Variants in UNC80 observed in about 807,000 individuals in gnomAD.
UNC80 encodes the protein protein unc-80 homolog.
Under a neutral mutation model 384.6 loss-of-function variants are expected in UNC80, and 164 were observed. The observed-to-expected ratio is 0.43, with a 90% confidence interval of 0.38 to 0.49. The LOEUF (loss-of-function observed/expected upper bound fraction) is 0.49. Ranked by LOEUF, UNC80 falls within the 20% of genes least tolerant of loss-of-function variation. UNC80 has a pLI of 0.00. For synonymous variants in UNC80, 1,486 were observed against 1,527.8 expected (o/e 0.97, Z 0.64); for missense variants, 3,330 against 4,143.0 (o/e 0.80, Z 5.39).
chr2:209,897,436 A>G (rs941805071), intron 28 of UNC80, among the ~76,000 whole-genome samples: 13 of 151,812 alleles, frequency 8.6e-5, no homozygotes, highest in Admixed American at 5.9e-4. Flanking sequence ...ATATACTACT[A>G]CTCTGTTGTG....
chr2:209,969,344 A>G (rs533775013), intron 52 of UNC80: 1 of 162,374 alleles, frequency 6.2e-6, no homozygotes, highest in Admixed American at 6.3e-5. Context: ...AGCTATATAA[A>G]TCAAATTAGT....
chr2:209,774,498 A>G (rs1234156813), intron 2 of UNC80, among the ~76,000 whole-genome samples: 1 of 152,194 alleles, frequency 6.6e-6, no homozygotes, highest in Non-Finnish European at 1.5e-5. Flanking sequence ...ATATCTCAAT[A>G]TAGAAAACAA....
At chr2:209,808,743 T>G in intron 7 of UNC80, 2 of 237,764 alleles carry the variant, frequency 8.4e-6, no homozygotes, top group South Asian at 5.0e-5. Flanking sequence ...AGGCTCGGCC[T>G]AGTGAGTGGG....
chr2:209,820,829 A>G, intron 13 of UNC80, 150 bp downstream of exon 13: 2 of 810,100 alleles, frequency 2.5e-6, no homozygotes, highest in Non-Finnish European at 3.8e-6. Flanking sequence ...TTAGGTTCTC[A>G]GTAGGCATTA....
chr2:209,993,869 C>T (rs547211120), intron 63 of UNC80, among the ~76,000 whole-genome samples, 196 bp from the exon 64 acceptor site: 12 of 152,224 alleles, frequency 7.9e-5, no homozygotes, highest in Middle Eastern at 3.4e-3. Flanking sequence ...GATTTTTCTA[C>T]GTAAGTCTTA....
intron 7 of UNC80, among the ~76,000 whole-genome samples, chr2:209,806,317 A>G (rs1453987565): frequency 6.6e-6 from 1 of 152,268 alleles, no homozygotes; most frequent in East Asian, 1.9e-4. Flanking sequence ...CAGTAAAAAC[A>G]AAAGCCAGCT....
chr2:209,947,094 C>T (rs529290075), intron 47 of UNC80, among the ~76,000 whole-genome samples: 30 of 152,260 alleles, frequency 2.0e-4, no homozygotes, highest in South Asian at 1.2e-3. Flanking sequence ...TTTCTGATCT[C>T]AGGGTATGGA....
chr2:209,942,991 TA>T (rs1014566032), intron 44 of UNC80, among the ~76,000 whole-genome samples: 2 of 152,206 alleles, frequency 1.3e-5, no homozygotes, highest in African/African-American at 4.8e-5. Context: ...TTTTTAAAAT[TA>T]CTGCACAGCA....
chr2:209,831,761 C>T (rs567942609), intron 16 of UNC80, among the ~76,000 whole-genome samples, 170 bp downstream of exon 16: 8 of 152,324 alleles, frequency 5.3e-5, no homozygotes, highest in African/African-American at 1.9e-4. Flanking sequence ...GCCTTAACAA[C>T]ACTTTTCTTC....
chr2:209,818,912 G>A, intron 11 of UNC80, 81 bp from the exon 12 acceptor site: 1 of 1,430,102 alleles, frequency 7.0e-7, no homozygotes, highest in South Asian at 1.4e-5. Context: ...TTGTGGTCAT[G>A]ATTGAAGTAA....
At chr2:209,801,678 G>C (rs1323875307) in intron 7 of UNC80, among the ~76,000 whole-genome samples, 2 of 122,674 alleles carry the variant, frequency 1.6e-5, no homozygotes, top group Non-Finnish European at 1.6e-5. Context: ...ACCATGCCCG[G>C]CCAACCCCTG....
chr2:209,993,172 T>C (rs956135014), intron 62 of UNC80, 143 bp from the exon 63 acceptor site: 13 of 595,608 alleles, frequency 2.2e-5, no homozygotes, highest in African/African-American at 7.5e-5. Context: ...AAAATACTTA[T>C]AGTTAAATAT....
At chr2:209,817,220 A>G in intron 10 of UNC80, 95 bp downstream of exon 10, 1 of 1,222,348 alleles carries the variant, frequency 8.2e-7, no homozygotes, top group Non-Finnish European at 1.1e-6. Flanking sequence ...TTTCTTGAAC[A>G]ATTCAGCCAA....
chr2:209,982,566 A>T, intron 60 of UNC80: 1 of 345,936 alleles, frequency 2.9e-6, no homozygotes, highest in South Asian at 7.1e-5. Context: ...CCATAGACAC[A>T]TGGTCTTCTT....
chr2:209,982,132 A>G (rs955621262), intron 59 of UNC80, 47 bp from the exon 60 acceptor site: 2 of 1,524,780 alleles, frequency 1.3e-6, no homozygotes, highest in Non-Finnish European at 1.8e-6. Flanking sequence ...GGTTTTTCTG[A>G]TCAGTGTCAT....
chr2:209,946,732 C>G (rs912758236), intron 47 of UNC80, among the ~76,000 whole-genome samples: 1 of 152,144 alleles, frequency 6.6e-6, no homozygotes, highest in Non-Finnish European at 1.5e-5. Flanking sequence ...GATGTTGGCT[C>G]TGGTCTGAGA....
intron 51 of UNC80, among the ~76,000 whole-genome samples, chr2:209,963,933 C>T (rs1205815682): frequency 6.6e-6 from 1 of 152,152 alleles, no homozygotes; most frequent in Non-Finnish European, 1.5e-5. Flanking sequence ...ACAGTGTGGA[C>T]CTCCAAAGAT....
At chr2:209,898,016 G>A (rs2086974192) in intron 28 of UNC80, among the ~76,000 whole-genome samples, 1 of 152,030 alleles carries the variant, frequency 6.6e-6, no homozygotes, top group Non-Finnish European at 1.5e-5. Context: ...CAAAAAGATT[G>A]TTTATAATAT....
Position 209,904,752 on chromosome 2 carries a change from G to A in UNC80, c.4582-13G>A, listed in dbSNP as rs1176941821. 1 of 1,551,608 alleles carries A rather than the reference G, an allele frequency of 6.4e-7. No homozygotes were observed. Among genetic ancestry groups the A allele is most frequent in the East Asian group, 2.4e-5 (1 of 40,918 alleles). On this transcript the variant is annotated splice_polypyrimidine_tract_variant and intron_variant, in intron 28 of 64. Coordinates refer to ENST00000673920, the MANE Select transcript of UNC80 (RefSeq NM_001371986.1). Reference sequence around the variant, plus strand: ...GGTTGCCTGGCTGAGTCTCAGGAATGTTTGTATTCCAGGTGATGATCTTGC... The same window carrying A: ...GGTTGCCTGGCTGAGTCTCAGGAATATTTGTATTCCAGGTGATGATCTTGC...
Sources: gnomAD v4.1 joint callset for allele counts (sites outside exome capture counted in the v4.1 genomes callset) on GRCh38, gnomAD v4.1.1 for gene constraint, MANE v1.5 for transcripts, NCBI Gene and HGNC (gene_info 2026-07-23, HGNC 2026-07-21) for gene names.